The following ENTHD1 variants were observed in gnomAD, a reference collection of about 807,000 sequenced individuals.
ENTHD1 encodes the protein ENTH domain-containing protein 1.
Under a neutral mutation model 39.1 loss-of-function variants are expected in ENTHD1, and 23 were observed. That is an observed-to-expected ratio of 0.59 (90% CI 0.42 to 0.83). The LOEUF is 0.83. Among genes scored for constraint, ENTHD1 ranks in the 40% least tolerant of loss-of-function variants. The probability of loss-of-function intolerance (pLI) is 0.00; values close to 1 mark genes in which losing one functional copy is unlikely to be tolerated. For synonymous variants in ENTHD1, 230 were observed against 258.2 expected, an observed-to-expected ratio of 0.89 and a Z score of 1.05; for missense variants, 624 against 705.4, an observed-to-expected ratio of 0.88 and a Z score of 1.31.
intron 5 of ENTHD1, among the ~76,000 whole-genome samples, chr22:39,773,537 CA>C (rs1267160737): frequency 1.3e-5 from 2 of 152,004 alleles, no homozygotes; most frequent in Non-Finnish European, 2.9e-5. Context: ...ACCCATGGGT[CA>C]AAAAAGAAAT....
chr22:39,791,780 G>C (rs2065506352), intron 5 of ENTHD1, among the ~76,000 whole-genome samples: 1 of 152,066 alleles, frequency 6.6e-6, no homozygotes, highest in Non-Finnish European at 1.5e-5. Context: ...TTGTTATATA[G>C]ATAAGCTTGT....
In ENTHD1 at chr22:39,765,316, G is replaced by A. The variant is rs370825021; in HGVS notation, c.1126C>T (p.Arg376Ter). 2.7e-5 allele frequency: 44 copies of A among 1,613,408 alleles called. No homozygotes were observed. Among genetic ancestry groups the A allele is most frequent in the Middle Eastern group, 1.7e-4 (1 of 6,058 alleles). ...CLSPSFKIFD[R>*]VKEIVINKAY... is the part of the protein sequence containing the mutation. ...TTGTTGATTACAATCTCCTTCACTCGGTCAAATATTTTGAATGAGGGAGAG... is the reference window on the plus strand; with the variant it reads ...TTGTTGATTACAATCTCCTTCACTCAGTCAAATATTTTGAATGAGGGAGAG... The change falls in exon 6 of 7, where the codon CGA (arginine) becomes TGA (stop). Residue 376 changes from arginine to a stop codon, truncating the protein, a stop_gained. Transcript: ENST00000325157. LOFTEE classifies it high-confidence loss of function.
At chr22:39,798,185 C>G (rs1469751453) in intron 5 of ENTHD1, among the ~76,000 whole-genome samples, 1 of 151,906 alleles carries the variant, frequency 6.6e-6, no homozygotes, top group Non-Finnish European at 1.5e-5. Context: ...CAAAAGACAT[C>G]TTCATGCTTC....
At chr22:39,889,817 T>C (rs2066411784) in intron 1 of ENTHD1, among the ~76,000 whole-genome samples, 2 of 152,016 alleles carry the variant, frequency 1.3e-5, no homozygotes, top group South Asian at 4.1e-4. Context: ...GTATAAGTGG[T>C]TGGGCGTGGT....
At chr22:39,851,342 T>G (rs2066037194) in intron 3 of ENTHD1, among the ~76,000 whole-genome samples, 1 of 152,208 alleles carries the variant, frequency 6.6e-6, no homozygotes, top group Non-Finnish European at 1.5e-5. Context: ...TTTCTGCAAG[T>G]TCCCTTTTTT....
chr22:39,808,514 C>T (rs1328055126), intron 5 of ENTHD1, among the ~76,000 whole-genome samples: 1 of 152,184 alleles, frequency 6.6e-6, no homozygotes, highest in African/African-American at 2.4e-5. Flanking sequence ...CTTGGAACTT[C>T]CACACTTGAG....
chr22:39,891,363 A>C (rs1222832179), intron 1 of ENTHD1, among the ~76,000 whole-genome samples: 1 of 152,248 alleles, frequency 6.6e-6, no homozygotes, highest in Admixed American at 6.5e-5. Flanking sequence ...CTAACAGCTA[A>C]TTAGCAACAG....
chr22:39,822,450 G>A (rs2065790648), intron 4 of ENTHD1, among the ~76,000 whole-genome samples: 3 of 152,068 alleles, frequency 2.0e-5, no homozygotes, highest in Non-Finnish European at 2.9e-5. Flanking sequence ...TCATATGAAT[G>A]TAATCATACA....
intron 3 of ENTHD1, among the ~76,000 whole-genome samples, chr22:39,844,949 T>C (rs1034869168): frequency 4.6e-5 from 7 of 151,926 alleles, no homozygotes; most frequent in Admixed American, 2.6e-4. Flanking sequence ...AGGAATAGGA[T>C]ACATACCTCA....
intron 5 of ENTHD1, among the ~76,000 whole-genome samples, chr22:39,789,372 T>G (rs557550931): frequency 6.6e-6 from 1 of 152,230 alleles, no homozygotes; most frequent in Non-Finnish European, 1.5e-5. Context: ...CTTCCTTAAC[T>G]CCTCAAAACA....
intron 5 of ENTHD1, among the ~76,000 whole-genome samples, chr22:39,778,173 G>C (rs1569136100): frequency 6.6e-6 from 1 of 152,204 alleles, no homozygotes; most frequent in Non-Finnish European, 1.5e-5. Context: ...TTGGTATCAT[G>C]AAACAGTCTG....
At chr22:39,787,118 G>A (rs1008092344) in intron 5 of ENTHD1, among the ~76,000 whole-genome samples, 1 of 152,148 alleles carries the variant, frequency 6.6e-6, no homozygotes, top group African/African-American at 2.4e-5. Flanking sequence ...TTGTGGTGAT[G>A]TGTGATCAGT....
At chr22:39,831,762 G>A (rs962672146) in intron 4 of ENTHD1, among the ~76,000 whole-genome samples, 1 of 152,052 alleles carries the variant, frequency 6.6e-6, no homozygotes, top group Non-Finnish European at 1.5e-5. Flanking sequence ...AGAGGCGGAG[G>A]TTGCAGTGAG....
At chr22:39,783,249 C>A (rs1476768146) in intron 5 of ENTHD1, among the ~76,000 whole-genome samples, 1 of 151,836 alleles carries the variant, frequency 6.6e-6, no homozygotes, top group African/African-American at 2.4e-5. Context: ...ACAAGAAAAA[C>A]CACAAAACAC....
At chr22:39,810,523 A>G (rs1227277955) in intron 5 of ENTHD1, among the ~76,000 whole-genome samples, 3 of 152,220 alleles carry the variant, frequency 2.0e-5, no homozygotes, top group African/African-American at 7.2e-5. Context: ...CAGAACCGCT[A>G]TAATTATACC....
chr22:39,804,628 G>C (rs1234595472), intron 5 of ENTHD1, among the ~76,000 whole-genome samples: 1 of 151,916 alleles, frequency 6.6e-6, no homozygotes, highest in Non-Finnish European at 1.5e-5. Flanking sequence ...CTATGTGCTG[G>C]GTACCGTGTT....
chr22:39,800,638 C>T (rs1388235895), intron 5 of ENTHD1, among the ~76,000 whole-genome samples: 1 of 152,224 alleles, frequency 6.6e-6, no homozygotes, highest in Non-Finnish European at 1.5e-5. Flanking sequence ...ACTGATATAG[C>T]ATTTGCCTTC....
chr22:39,763,098 G>A (rs1360880323), intron 6 of ENTHD1, among the ~76,000 whole-genome samples: 1 of 152,174 alleles, frequency 6.6e-6, no homozygotes, highest in Non-Finnish European at 1.5e-5. Context: ...TGTGAGGGCT[G>A]CTCAACTTCT....
chr22:39,872,311 C>T (rs2066250505), intron 2 of ENTHD1, among the ~76,000 whole-genome samples: 1 of 152,064 alleles, frequency 6.6e-6, no homozygotes, highest in Admixed American at 6.6e-5. Flanking sequence ...TTTTATTTTT[C>T]TTGAATGTAT....
Sources: allele counts gnomAD v4.1 joint callset (sites outside exome capture counted in the v4.1 genomes callset), GRCh38; gene constraint gnomAD v4.1.1; transcripts MANE v1.5; gene names NCBI Gene and HGNC (gene_info 2026-07-23, HGNC 2026-07-21).